The following DCBLD2 variants were observed in gnomAD, a reference collection of about 807,000 sequenced individuals.
DCBLD2 encodes the protein discoidin, CUB and LCCL domain containing 2, also known as discoidin, CUB and LCCL domain-containing protein 2.
Under a neutral mutation model 86.8 loss-of-function variants are expected in DCBLD2, and 54 were observed. That is an observed-to-expected ratio of 0.62 (90% CI 0.50 to 0.78). The LOEUF is 0.78. Ranked by LOEUF, DCBLD2 falls within the 30% of genes least tolerant of loss-of-function variation. The probability of loss-of-function intolerance (pLI) is 0.00; values close to 1 mark genes in which losing one functional copy is unlikely to be tolerated. For synonymous variants in DCBLD2, 354 were observed against 341.3 expected (o/e 1.04, Z -0.41); for missense variants, 908 against 954.2 (o/e 0.95, Z 0.64).
At chr3:98,835,626 T>C (rs1942426062) in intron 3 of DCBLD2, among the ~76,000 whole-genome samples, 1 of 149,276 alleles carries the variant, frequency 6.7e-6, no homozygotes. Context: ...CTCGGCTCAC[T>C]GCAACTTCTG....
intron 2 of DCBLD2, among the ~76,000 whole-genome samples, chr3:98,869,960 T>C (rs559037004): frequency 6.6e-6 from 1 of 152,336 alleles, no homozygotes; most frequent in South Asian, 2.1e-4. Flanking sequence ...CCAAAGTTGA[T>C]ATACTAGAGC....
chr3:98,797,676 C>T lies in DCBLD2; in HGVS notation c.*1696G>A, dbSNP rs930572691. On this transcript the variant is annotated 3_prime_UTR_variant, in exon 16 of 16. Transcript: ENST00000326840. ...AAGGAAAAGCCAGTGAAAATAAGGC[C>T]AAAAAACCATACCACAAAAGGACAG... 1.3e-5 allele frequency: 2 copies of T among 152,020 alleles called. No individual in the cohort carries two copies. The highest frequency in any genetic ancestry group is 1.9e-4 in the East Asian group (1 of 5,204). The allele number at this position is 152,020 out of a possible 1,614,324, so 9.4% of individuals were successfully genotyped here.
intron 1 of DCBLD2, among the ~76,000 whole-genome samples, chr3:98,897,136 T>G (rs528806873): frequency 1.4e-4 from 22 of 152,214 alleles, no homozygotes; most frequent in Non-Finnish European, 2.1e-4. Flanking sequence ...TAAGATATTT[T>G]TACATGTTTG....
chr3:98,890,092 C>T (rs760989022), intron 1 of DCBLD2, among the ~76,000 whole-genome samples: 7 of 152,110 alleles, frequency 4.6e-5, no homozygotes, highest in Middle Eastern at 3.4e-3. Context: ...AAGACTGTTG[C>T]GGGTTGAATT....
intron 1 of DCBLD2, among the ~76,000 whole-genome samples, chr3:98,899,468 T>G (rs1262127379): frequency 1.3e-5 from 2 of 152,136 alleles, no homozygotes. Context: ...GTCAGGATGG[T>G]CTCGATCTCC....
intron 1 of DCBLD2, among the ~76,000 whole-genome samples, chr3:98,886,759 T>A (rs890448602): frequency 2.6e-5 from 4 of 151,584 alleles, no homozygotes; most frequent in Non-Finnish European, 5.9e-5. Context: ...TAAGGTCAGA[T>A]GTGTTAAGCC....
chr3:98,873,730 T>A (rs182036644), intron 2 of DCBLD2, among the ~76,000 whole-genome samples: 1,628 of 150,982 alleles, frequency 0.011, 14 homozygotes, highest in Non-Finnish European at 0.017. Flanking sequence ...AAAAAAAAAA[T>A]TTTAAATCAT....
At chr3:98,828,456 G>C (rs1942263515) in intron 3 of DCBLD2, among the ~76,000 whole-genome samples, 1 of 152,110 alleles carries the variant, frequency 6.6e-6, no homozygotes, top group African/African-American at 2.4e-5. Context: ...CACATAAAAA[G>C]ATGCTCAGCA....
intron 3 of DCBLD2, chr3:98,849,238 C>A: frequency 1.9e-6 from 1 of 520,940 alleles, no homozygotes; most frequent in South Asian, 2.8e-5. Context: ...AGCATTTCAG[C>A]AGTATTTCCT....
chr3:98,846,069 T>C (rs1180775958), intron 3 of DCBLD2, among the ~76,000 whole-genome samples: 3 of 152,196 alleles, frequency 2.0e-5, no homozygotes. Context: ...TTGTGTCTTA[T>C]CTACTGCTGT....
intron 3 of DCBLD2, among the ~76,000 whole-genome samples, chr3:98,834,080 G>A (rs867356962): frequency 3.3e-5 from 5 of 151,156 alleles, no homozygotes; most frequent in East Asian, 1.9e-4. Context: ...GCCCTGTGTC[G>A]TTCCTGAGTG....
At chr3:98,888,623 T>G (rs1049000717) in intron 1 of DCBLD2, among the ~76,000 whole-genome samples, 1 of 152,082 alleles carries the variant, frequency 6.6e-6, no homozygotes. Context: ...TGAGTACTAT[T>G]ATTGTCATAA....
intron 2 of DCBLD2, among the ~76,000 whole-genome samples, chr3:98,871,994 T>C (rs1220458021): frequency 6.6e-6 from 1 of 152,214 alleles, no homozygotes; most frequent in Non-Finnish European, 1.5e-5. Context: ...TCAGGATTTC[T>C]GTTTCTTCCT....
At chr3:98,831,069 AT>A (rs760252040) in intron 3 of DCBLD2, among the ~76,000 whole-genome samples, 388 of 142,026 alleles carry the variant, frequency 2.7e-3, no homozygotes, top group Middle Eastern at 3.6e-3. Flanking sequence ...AATGCTAGTA[AT>A]TTTTTTTTTT....
chr3:98,850,143 C>T (rs1045593098), intron 2 of DCBLD2, among the ~76,000 whole-genome samples: 1 of 152,316 alleles, frequency 6.6e-6, no homozygotes, highest in African/African-American at 2.4e-5. Flanking sequence ...AACCTTCCAT[C>T]CACAGCTTTT....
At chr3:98,801,935 T>C (rs537046910) in intron 13 of DCBLD2, 219 of 270,030 alleles carry the variant, frequency 8.1e-4, no homozygotes, top group Admixed American at 1.2e-3. Flanking sequence ...TGTGCCACAT[T>C]TTCTTAATTC....
chr3:98,818,430 T>C (rs1381302657), intron 8 of DCBLD2, among the ~76,000 whole-genome samples: 2 of 152,158 alleles, frequency 1.3e-5, no homozygotes, highest in Admixed American at 1.3e-4. Context: ...TCAAGACCAC[T>C]TTACTGAAAC....
intron 2 of DCBLD2, among the ~76,000 whole-genome samples, chr3:98,870,684 G>A (rs1559794307): frequency 1.4e-5 from 2 of 139,538 alleles, no homozygotes; most frequent in African/African-American, 5.3e-5. Context: ...GAGAGAAATA[G>A]AGAAAGAAAA....
intron 2 of DCBLD2, among the ~76,000 whole-genome samples, chr3:98,870,670 G>A (rs1576194379): frequency 6.8e-6 from 1 of 147,934 alleles, no homozygotes; most frequent in South Asian, 2.2e-4. Flanking sequence ...GAGAGAGAGA[G>A]AGAGAGAGAA....
Sources: allele counts gnomAD v4.1 joint callset (sites outside exome capture counted in the v4.1 genomes callset), GRCh38; gene constraint gnomAD v4.1.1; transcripts MANE v1.5; gene names NCBI Gene and HGNC (gene_info 2026-07-23, HGNC 2026-07-21).